The following TLE1 variants were observed in gnomAD, a reference collection of about 807,000 sequenced individuals.
The protein encoded by TLE1 is transducin-like enhancer protein 1.
A neutral mutation model predicts 89.8 loss-of-function variants in TLE1; 21 were observed. That is an observed-to-expected ratio of 0.23 (90% CI 0.17 to 0.34). The LOEUF (loss-of-function observed/expected upper bound fraction) is 0.34, where lower values mean the gene tolerates loss of function less well. Ranked by LOEUF, TLE1 falls within the 10% of genes least tolerant of loss-of-function variation. The pLI is 1.00. For missense variants in TLE1, 795 were observed against 1,031.2 expected, an observed-to-expected ratio of 0.77 and a Z score of 3.14; for synonymous variants, 447 against 407.6, an observed-to-expected ratio of 1.10 and a Z score of -1.16.
intron 4 of TLE1, among the ~76,000 whole-genome samples, chr9:81,681,901 G>A (rs983816906): frequency 6.6e-6 from 1 of 152,074 alleles, no homozygotes; most frequent in Admixed American, 6.6e-5. Context: ...GCAGGCACTA[G>A]GGAGACATGG....
intron 8 of TLE1, among the ~76,000 whole-genome samples, chr9:81,632,082 C>T (rs894634248): frequency 1.3e-5 from 2 of 150,814 alleles, no homozygotes; most frequent in Admixed American, 1.3e-4. Flanking sequence ...AGAGCGAAGA[C>T]TCCATCTCAA....
chr9:81,661,143 A>G (rs1476093917), intron 4 of TLE1, among the ~76,000 whole-genome samples: 2 of 147,028 alleles, frequency 1.4e-5, no homozygotes, highest in Admixed American at 6.9e-5. Flanking sequence ...ATAAATAAAA[A>G]TAAATAAAAA....
chr9:81,594,557 AT>A (rs893501170), intron 14 of TLE1, among the ~76,000 whole-genome samples: 5 of 151,176 alleles, frequency 3.3e-5, no homozygotes, highest in African/African-American at 1.2e-4. Flanking sequence ...AAAAAAAAAA[AT>A]TATGCACATT....
intron 13 of TLE1, among the ~76,000 whole-genome samples, chr9:81,610,945 C>T (rs1047102636): frequency 6.6e-6 from 1 of 152,162 alleles, no homozygotes; most frequent in Non-Finnish European, 1.5e-5. Context: ...ACTTTGCCCG[C>T]CACTGCACAG....
chr9:81,670,931 G>A (rs888654158), intron 4 of TLE1, among the ~76,000 whole-genome samples: 1 of 152,054 alleles, frequency 6.6e-6, no homozygotes, highest in Non-Finnish European at 1.5e-5. Context: ...CACTTTGGGA[G>A]GCCGAGGCAG....
At chr9:81,680,159 A>AC (rs2133095544) in intron 4 of TLE1, among the ~76,000 whole-genome samples, 1 of 152,292 alleles carries the variant, frequency 6.6e-6, no homozygotes, top group East Asian at 1.9e-4. Flanking sequence ...GTCTAGTCTA[A>AC]CCCTCATTAT....
At chr9:81,623,500 C>T (rs549620274) in intron 8 of TLE1, among the ~76,000 whole-genome samples, 15 of 151,776 alleles carry the variant, frequency 9.9e-5, no homozygotes, top group East Asian at 5.8e-4. Context: ...GTCATGAGGC[C>T]GGGCACAGTG....
chr9:81,633,267 G>T (rs1279773447), intron 8 of TLE1, 81 bp downstream of exon 8: 6 of 1,601,448 alleles, frequency 3.7e-6, no homozygotes, highest in Non-Finnish European at 4.3e-6. Flanking sequence ...CCTGTGTGGA[G>T]AAGTGTTGTC....
rs143208469 is a variant in TLE1, at chr9:81,585,599, G to A, written c.2034C>T (p.Ser678=). The A allele has an allele frequency of 2.8e-4, 445 of 1,614,108 alleles. No individual in the cohort carries two copies. In the African/African-American group the frequency reaches 5.0e-3, roughly 18 times the overall value. ...TCACGTGCAGCACCTCCACATTGCT[G>A]CTCTCCATGCCCACTGCCAGCCACT... The part of the protein sequence containing the change: ...TGEWLAVGME[S]SNVEVLHVNK... The change falls in exon 18 of 20, where the codon AGC becomes AGT. Residue 678 remains serine, a synonymous_variant. Transcript: ENST00000376499.
chr9:81,615,229 T>C (rs1183180764), intron 11 of TLE1, among the ~76,000 whole-genome samples: 1 of 145,534 alleles, frequency 6.9e-6, no homozygotes, highest in Non-Finnish European at 1.5e-5. Flanking sequence ...CTGGGGAGGC[T>C]GAGGCAGGAG....
At chr9:81,628,198 AC>A (rs1448272266) in intron 8 of TLE1, among the ~76,000 whole-genome samples, 22 of 152,044 alleles carry the variant, frequency 1.4e-4, no homozygotes, top group African/African-American at 5.1e-4. Flanking sequence ...TTCCCTAAGC[AC>A]CTTCTATGCT....
At chr9:81,616,583 GT>G (rs374667036) in intron 10 of TLE1, 62 bp downstream of exon 10, 3 of 1,578,736 alleles carry the variant, frequency 1.9e-6, no homozygotes, top group African/African-American at 1.4e-5. Context: ...TTCACTGTTA[GT>G]TTTTTTTCAT....
chr9:81,662,406 T>TGTGTGTGTGTGTGTGTGTGTG (rs71359020), intron 4 of TLE1, among the ~76,000 whole-genome samples: 2 of 143,916 alleles, frequency 1.4e-5, no homozygotes, highest in African/African-American at 2.6e-5. Flanking sequence ...TGTGTGTGTG[T>TGTGTGTGTGTGTGTGTGTGTG]TTAAAGGGCC....
At chr9:81,603,856 G>A (rs941301803) in intron 14 of TLE1, among the ~76,000 whole-genome samples, 2 of 152,090 alleles carry the variant, frequency 1.3e-5, no homozygotes, top group African/African-American at 4.8e-5. Flanking sequence ...ACAAAAATTA[G>A]CCGGACATGG....
chr9:81,653,056 G>A (rs189871368), intron 5 of TLE1, among the ~76,000 whole-genome samples: 1 of 152,252 alleles, frequency 6.6e-6, no homozygotes, highest in Non-Finnish European at 1.5e-5. Context: ...TTTACTTTGG[G>A]AGGCATGAGA....
At position 81,663,654 on chromosome 9, in the gene TLE1, GCT is replaced by G. The variant is rs1383577333; in HGVS notation, c.235-9620_235-9619del. Among the ~76,000 whole-genome samples, 3 of 142,152 alleles carry G rather than the reference GCT, an allele frequency of 2.1e-5. No homozygotes were observed. In the Admixed American group the frequency reaches 2.2e-4, roughly 10 times the overall value. The allele number at this position is 142,152 out of a possible 152,430, so 93.3% of individuals were successfully genotyped here. ...TTTTTTTTTTTTGAGATGGAGTCTCGCTCTGTCACCCAGGCTGGAGTGCAGTG... is the reference window on the plus strand; with the variant it reads ...TTTTTTTTTTTTGAGATGGAGTCTCGCTGTCACCCAGGCTGGAGTGCAGTG... On this transcript the variant is annotated intron_variant, in intron 4 of 19. Transcript: ENST00000376499.
intron 6 of TLE1, among the ~76,000 whole-genome samples, chr9:81,643,136 T>A (rs894396576): frequency 6.6e-6 from 1 of 152,066 alleles, no homozygotes; most frequent in Non-Finnish European, 1.5e-5. Context: ...ATAAAGAAGA[T>A]CTGGATTTCC....
intron 6 of TLE1, among the ~76,000 whole-genome samples, chr9:81,641,666 G>C (rs935810113): frequency 6.6e-6 from 1 of 152,142 alleles, no homozygotes; most frequent in Non-Finnish European, 1.5e-5. Context: ...ATGGCCAACA[G>C]ATATACAAAA....
chr9:81,659,753 T>C (rs556983003), intron 4 of TLE1, among the ~76,000 whole-genome samples: 21 of 152,306 alleles, frequency 1.4e-4, no homozygotes, highest in African/African-American at 4.6e-4. Context: ...GGTTCTATGT[T>C]AAATCACTTA....
Sources: gnomAD v4.1 joint callset for allele counts (sites outside exome capture counted in the v4.1 genomes callset) on GRCh38, gnomAD v4.1.1 for gene constraint, MANE v1.5 for transcripts, NCBI Gene and HGNC (gene_info 2026-07-23, HGNC 2026-07-21) for gene names.